The following PACRG variants were observed in gnomAD, a reference collection of about 807,000 sequenced individuals.
PACRG encodes parkin coregulated gene protein.
PACRG carries 29 observed loss-of-function variants against 29.7 expected under a neutral mutation model. The observed-to-expected ratio is 0.98, with a 90% CI of 0.73 to 1.33. PACRG has a LOEUF of 1.33. Ranked by LOEUF, PACRG falls within the 40% of genes most tolerant of loss-of-function variation. PACRG has a pLI of 0.00. For missense variants in PACRG, 279 were observed against 316.2 expected (o/e 0.88, Z 0.89); for synonymous variants, 116 against 118.7 (o/e 0.98, Z 0.15).
chr6:163,200,945 GC>G (rs1780672514), intron 4 of PACRG, among the ~76,000 whole-genome samples: 1 of 152,148 alleles, frequency 6.6e-6, no homozygotes, highest in African/African-American at 2.4e-5. Flanking sequence ...CAGGCCCCAG[GC>G]CCCAGGCCCC....
At chr6:163,073,961 A>G (rs1212449942) in intron 3 of PACRG, among the ~76,000 whole-genome samples, 1 of 152,216 alleles carries the variant, frequency 6.6e-6, no homozygotes, top group African/African-American at 2.4e-5. Flanking sequence ...GAACCCTCAT[A>G]TGCTGTTGGT....
intron 1 of PACRG, among the ~76,000 whole-genome samples, chr6:162,740,331 G>C (rs767913738): frequency 4.1e-5 from 6 of 147,702 alleles, no homozygotes; most frequent in Non-Finnish European, 8.9e-5. Context: ...TTTTTTTTGA[G>C]ACGGAGTCTT....
chr6:162,990,223 G>A (rs1288505071), intron 2 of PACRG, among the ~76,000 whole-genome samples: 1 of 151,006 alleles, frequency 6.6e-6, no homozygotes, highest in Non-Finnish European at 1.5e-5. Flanking sequence ...CTTTATAGCA[G>A]CATGATTTAT....
intron 2 of PACRG, among the ~76,000 whole-genome samples, chr6:162,902,819 G>C (rs528852522): frequency 6.6e-6 from 1 of 152,174 alleles, no homozygotes; most frequent in Non-Finnish European, 1.5e-5. Context: ...AGGAAATAAA[G>C]TATTCCTCTT....
chr6:162,768,934 T>C (rs1025002893), intron 1 of PACRG, among the ~76,000 whole-genome samples: 1 of 152,216 alleles, frequency 6.6e-6, no homozygotes, highest in South Asian at 2.1e-4. Context: ...ATGGCTGTTA[T>C]AAACACTTCC....
chr6:163,298,252 A>G (rs1784857536), intron 4 of PACRG, among the ~76,000 whole-genome samples: 1 of 151,940 alleles, frequency 6.6e-6, no homozygotes, highest in Non-Finnish European at 1.5e-5. Context: ...CACTCTCACA[A>G]AGGAAAAAAA....
chr6:163,130,296 T>C (rs548010783), intron 4 of PACRG, among the ~76,000 whole-genome samples: 1 of 152,330 alleles, frequency 6.6e-6, no homozygotes, highest in East Asian at 1.9e-4. Context: ...CCAGCTTCCC[T>C]GTGTCTGTCC....
chr6:163,099,953 C>T (rs927339865), intron 4 of PACRG, among the ~76,000 whole-genome samples: 2 of 152,166 alleles, frequency 1.3e-5, no homozygotes, highest in Admixed American at 6.5e-5. Context: ...CTTCTCTCCC[C>T]GCCCAGCGCG....
intron 4 of PACRG, among the ~76,000 whole-genome samples, chr6:163,291,663 A>G (rs1784615674): frequency 6.6e-6 from 1 of 152,256 alleles, no homozygotes; most frequent in African/African-American, 2.4e-5. Flanking sequence ...AGAACGTGGT[A>G]TTTGTCAAGG....
intron 4 of PACRG, among the ~76,000 whole-genome samples, chr6:163,275,789 G>C (rs1486848775): frequency 6.6e-6 from 1 of 152,002 alleles, no homozygotes; most frequent in Non-Finnish European, 1.5e-5. Flanking sequence ...TTCCAACTAA[G>C]CTCTCAAGAA....
At chr6:163,312,235 A>T (rs1785449906) in intron 4 of PACRG, among the ~76,000 whole-genome samples, 1 of 152,180 alleles carries the variant, frequency 6.6e-6, no homozygotes. Flanking sequence ...CACAAAGATG[A>T]GCCCAACTCT....
At chr6:162,980,401 T>G (rs1318384189) in intron 2 of PACRG, among the ~76,000 whole-genome samples, 1 of 152,186 alleles carries the variant, frequency 6.6e-6, no homozygotes, top group East Asian at 1.9e-4. Context: ...CATGTCTTTC[T>G]TGCCATATAT....
chr6:163,058,902 AAAAC>A (rs1271593472), intron 2 of PACRG, among the ~76,000 whole-genome samples: 4 of 152,014 alleles, frequency 2.6e-5, no homozygotes, highest in Admixed American at 6.5e-5. Context: ...TCCGTCTCAA[AAAAC>A]AAACAAACAA....
At chr6:163,128,724 A>G (rs1267871571) in intron 4 of PACRG, among the ~76,000 whole-genome samples, 2 of 151,624 alleles carry the variant, frequency 1.3e-5, no homozygotes, top group African/African-American at 4.9e-5. Flanking sequence ...AACTGTGTAC[A>G]TATTATGCAT....
rs1562765827 is a variant in PACRG, at chr6:162,947,362, G to GAA, written c.292-114788_292-114787insAA. 4.2e-3 allele frequency among the ~76,000 whole-genome samples: 229 copies of GAA among 54,894 alleles called. 13 individuals are homozygous for GAA. Among genetic ancestry groups the GAA allele is most frequent in the African/African-American group, 0.014 (196 of 13,852 alleles). 36.0% of individuals were successfully genotyped at this position (54,894 alleles called of 152,430 possible). On this transcript the variant is annotated intron_variant, in intron 2 of 4. Coordinates refer to ENST00000366888, the MANE Select transcript of PACRG (RefSeq NM_001080379.2). ...TATATAATGATTACATATATATAAT[G>GAA]TAATCATATATAATCATATATATAA...
intron 2 of PACRG, among the ~76,000 whole-genome samples, chr6:162,911,195 G>A (rs1296614326): frequency 1.3e-5 from 2 of 152,138 alleles, no homozygotes; most frequent in Admixed American, 1.3e-4. Context: ...ATTTATTTCT[G>A]CTTTGCATGA....
chr6:163,173,603 C>G (rs1041384327), intron 4 of PACRG, among the ~76,000 whole-genome samples: 5 of 152,184 alleles, frequency 3.3e-5, no homozygotes, highest in Non-Finnish European at 7.3e-5. Flanking sequence ...GAGAATCACG[C>G]TCTCCGCTCT....
intron 4 of PACRG, among the ~76,000 whole-genome samples, chr6:163,162,567 C>T (rs1778600919): frequency 6.6e-6 from 1 of 152,226 alleles, no homozygotes. Flanking sequence ...GTGCAGACTA[C>T]CAGAGTGGTA....
intron 2 of PACRG, among the ~76,000 whole-genome samples, chr6:162,867,520 G>A (rs759592371): frequency 2.6e-5 from 4 of 152,072 alleles, no homozygotes; most frequent in Non-Finnish European, 5.9e-5. Context: ...AGGTTCCTCT[G>A]TATTATGCAG....
Sources: allele counts gnomAD v4.1 joint callset (sites outside exome capture counted in the v4.1 genomes callset), GRCh38; gene constraint gnomAD v4.1.1; transcripts MANE v1.5; gene names NCBI Gene and HGNC (gene_info 2026-07-23, HGNC 2026-07-21).